The following BSDC1 variants were observed in gnomAD, a reference collection of about 807,000 sequenced individuals.
BSDC1 encodes BSD domain containing 1.
In BSDC1, 29 loss-of-function variants were observed where a neutral mutation model predicts 56.0. The ratio of observed to expected loss-of-function variants is 0.52; its 90% confidence interval spans 0.39 to 0.71. The LOEUF (loss-of-function observed/expected upper bound fraction) is 0.71, where lower values mean the gene tolerates loss of function less well. Among genes scored for constraint, BSDC1 ranks in the 30% least tolerant of loss-of-function variants. The pLI is 0.00. For missense variants in BSDC1, 477 were observed against 548.5 expected (o/e 0.87, Z 1.30); for synonymous variants, 210 against 215.3 (o/e 0.98, Z 0.21).
intron 8 of BSDC1, among the ~76,000 whole-genome samples, chr1:32,377,747 T>C (rs1473735609): frequency 6.6e-6 from 1 of 152,198 alleles, no homozygotes; most frequent in African/African-American, 2.4e-5. Flanking sequence ...GGCAGGGGAA[T>C]CTACACCAAC....
rs1171936256 is a variant in BSDC1 at position 32,368,175 on chromosome 1, C to A, written c.1260+272G>T. 9.8e-6 allele frequency: 14 copies of A among 1,434,360 alleles called. No homozygotes were observed. The African/African-American group carries it at 1.9e-4, about 19-fold the overall frequency. The allele number at this position is 1,434,360 out of a possible 1,614,324, so 88.9% of individuals were successfully genotyped here. A position where few individuals can be genotyped will look rare whatever the true frequency, so the allele number is the denominator to read the frequency against. ...GTGTGAGCCACCGCGCTCAGCATGA[C>A]ATCTGTTTTCTTAAGCAGTTTCTCA... On this transcript the variant is annotated intron_variant, in intron 10 of 10. Transcript: ENST00000455895.
At chr1:32,366,835 C>G in intron 10 of BSDC1, 181 bp from the exon 11 acceptor site, 1 of 1,342,066 alleles carries the variant, frequency 7.5e-7, no homozygotes, top group Middle Eastern at 2.8e-4. Context: ...CAGAGCTGCC[C>G]TCTGCCTGAG....
chr1:32,374,451 A>T (rs1381227657), intron 9 of BSDC1, among the ~76,000 whole-genome samples: 2 of 152,210 alleles, frequency 1.3e-5, no homozygotes, highest in African/African-American at 4.8e-5. Context: ...CTTAGCATCC[A>T]TGCTCTGCTG....
At chr1:32,385,706 AAGAG>A (rs1027479153) in intron 3 of BSDC1, among the ~76,000 whole-genome samples, 2 of 151,598 alleles carry the variant, frequency 1.3e-5, no homozygotes, top group Non-Finnish European at 2.9e-5. Context: ...CAGCCTGGGC[AAGAG>A]AGAGAGACCC....
intron 9 of BSDC1, among the ~76,000 whole-genome samples, chr1:32,373,163 C>A (rs1416877315): frequency 4.6e-5 from 7 of 152,192 alleles, no homozygotes; most frequent in Admixed American, 3.9e-4. Context: ...CTTTTTATTT[C>A]TTCTACTCTG....
intron 4 of BSDC1, among the ~76,000 whole-genome samples, chr1:32,383,078 T>A (rs1570147221): frequency 6.6e-6 from 1 of 151,946 alleles, no homozygotes; most frequent in Non-Finnish European, 1.5e-5. Context: ...CTGAAAGGAA[T>A]CCAAATATGC....
chr1:32,377,460 G>A (rs138036358), intron 8 of BSDC1, among the ~76,000 whole-genome samples: 3 of 151,822 alleles, frequency 2.0e-5, no homozygotes, highest in South Asian at 4.2e-4. Context: ...AGAGCTCTTA[G>A]GGCAGCCTGG....
At chr1:32,390,401 T>C (rs1170440661) in intron 2 of BSDC1, among the ~76,000 whole-genome samples, 1 of 152,192 alleles carries the variant, frequency 6.6e-6, no homozygotes, top group Non-Finnish European at 1.5e-5. Context: ...ATTTGGTGAC[T>C]GAACAGGTAT....
chr1:32,369,817 G>C (rs1286658749), intron 9 of BSDC1, among the ~76,000 whole-genome samples: 1 of 152,108 alleles, frequency 6.6e-6, no homozygotes, highest in African/African-American at 2.4e-5. Flanking sequence ...TTCTGAGACA[G>C]AGTCTCGCTC....
rs1425951304 is a variant in BSDC1, at chr1:32,369,329, G to C, written c.1157-779C>G. On this transcript the variant is annotated intron_variant, in intron 9 of 10. Coordinates refer to ENST00000455895, the MANE Select transcript of BSDC1 (RefSeq NM_018045.8). ...CCAGAGGAAATCAACAGTGAACTGA[G>C]ACCTTGTCTCTAGAAAAAAATTTAA... The C allele has an allele frequency of 3.9e-6, 5 of 1,288,364 alleles. No homozygotes were observed. The East Asian group carries it at 2.2e-4, about 57-fold the overall frequency. 79.8% of individuals were successfully genotyped at this position (1,288,364 alleles called of 1,614,324 possible).
Position 32,378,605 on chromosome 1 carries a change from A to G in BSDC1, c.528+119T>C, listed in dbSNP as rs1247152196. The G allele has an allele frequency of 1.3e-5, 10 of 750,246 alleles. No individual in the cohort carries two copies. Among genetic ancestry groups the G allele is most frequent in the East Asian group, 1.1e-4 (4 of 36,620 alleles). 46.5% of individuals were successfully genotyped at this position (750,246 alleles called of 1,614,324 possible). Reference sequence around the variant, plus strand: ...CTCAGGACACAGCTGGTCTGGCTCTATGGAGCCTCCCAGTGCTCTCCGGGC... The same window carrying G: ...CTCAGGACACAGCTGGTCTGGCTCTGTGGAGCCTCCCAGTGCTCTCCGGGC... On this transcript the variant is annotated intron_variant, in intron 6 of 10. Transcript: ENST00000455895. The surrounding 1 kb of genome is among the most constrained non-coding windows in gnomAD (Gnocchi z 5.2).
At chr1:32,368,361 T>C (rs1245387586) in intron 10 of BSDC1, 86 bp downstream of exon 10, 3 of 1,614,022 alleles carry the variant, frequency 1.9e-6, no homozygotes, top group Admixed American at 1.7e-5. Context: ...GGGACCCTCC[T>C]GAGGGGACAG....
chr1:32,377,842 T>C, intron 8 of BSDC1, 128 bp downstream of exon 8: 2 of 810,264 alleles, frequency 2.5e-6, no homozygotes, highest in East Asian at 5.4e-5. Context: ...TCCTCACACA[T>C]ACAATGTGCT....
chr1:32,390,503 A>T (rs1313868044), intron 2 of BSDC1, among the ~76,000 whole-genome samples: 1 of 152,204 alleles, frequency 6.6e-6, no homozygotes, highest in African/African-American at 2.4e-5. Context: ...TAAGTGAGAA[A>T]ATCCTGGAGG....
rs1641854106 is a variant in BSDC1 at position 32,366,477 on chromosome 1, A to G, written c.*145T>C. ...GTGTGAGCAGAGGCCCAAGAGGGCC[A>G]GCAGGGAGCCACCAGAATCTGTGCC... On this transcript the variant is annotated 3_prime_UTR_variant, in exon 11 of 11. Transcript: ENST00000455895. 2 of 827,750 alleles carry G rather than the reference A, an allele frequency of 2.4e-6. No homozygotes were observed. The highest frequency in any genetic ancestry group is 1.7e-5 in the African/African-American group (1 of 59,468). 51.3% of individuals were successfully genotyped at this position (827,750 alleles called of 1,614,324 possible). A position where few individuals can be genotyped will look rare whatever the true frequency, so the allele number is the denominator to read the frequency against.
rs770608172 is a variant in BSDC1, at chr1:32,376,598, C to A, written c.820G>T (p.Val274Leu). 1.3e-5 allele frequency: 19 copies of A among 1,492,076 alleles called. No individual in the cohort carries two copies. In the Admixed American group the frequency reaches 2.6e-4, roughly 21 times the overall value. The allele number at this position is 1,492,076 out of a possible 1,614,324, so 92.4% of individuals were successfully genotyped here. A position where few individuals can be genotyped will look rare whatever the true frequency, so the allele number is the denominator to read the frequency against. The change falls in exon 9 of 11, where the codon GTG (valine) becomes TTG (leucine). Residue 274 changes from valine to leucine, a missense_variant. Coordinates refer to ENST00000455895, the MANE Select transcript of BSDC1 (RefSeq NM_018045.8). ...CTCTCACTGCTCTCTGATGGAGTCA[C>A]CTCTGCTGGGGGCTCAACTGAAGTC... The part of the protein sequence containing the change: ...LVTSVEPPAE[V>L]TPSESSESIS...
rs1248348156 is a variant in BSDC1, at chr1:32,394,145, G to T, written c.12-5C>A. ...CGCCACCATCCCACGTCCTCCCTGT[G>T]GAAGACAGACACATCTGGCAGCACC... On this transcript the variant is annotated splice_polypyrimidine_tract_variant and splice_region_variant and intron_variant, in intron 1 of 10. Transcript: ENST00000455895. 3.1e-6 allele frequency: 5 copies of T among 1,608,008 alleles called. No individual in the cohort carries two copies. The African/African-American group carries it at 6.7e-5, about 22-fold the overall frequency.
chr1:32,376,231 C>G (rs967540445), intron 9 of BSDC1, 31 bp downstream of exon 9: 1 of 1,445,048 alleles, frequency 6.9e-7, no homozygotes, highest in African/African-American at 1.4e-5. Flanking sequence ...TGACCGCACA[C>G]AACCCTCTGG....
At chr1:32,392,597 G>T (rs894005543) in intron 2 of BSDC1, among the ~76,000 whole-genome samples, 5 of 152,260 alleles carry the variant, frequency 3.3e-5, no homozygotes, top group Admixed American at 6.5e-5. Flanking sequence ...AGACTTTCCT[G>T]CCAGGAAATT....
Sources: allele counts gnomAD v4.1 joint callset (sites outside exome capture counted in the v4.1 genomes callset), GRCh38; gene constraint gnomAD v4.1.1; non-coding constraint Gnocchi (gnomAD v3.1); transcripts MANE v1.5; gene names NCBI Gene and HGNC (gene_info 2026-07-23, HGNC 2026-07-21).